AK5: variants seen among roughly 807,000 people sequenced by gnomAD.
AK5 encodes the protein adenylate kinase 5.
AK5 carries 27 observed loss-of-function variants against 69.5 expected under a neutral mutation model. The observed-to-expected ratio is 0.39, with a 90% CI of 0.29 to 0.54. AK5 has a LOEUF of 0.54. Among genes scored for constraint, AK5 ranks in the 20% least tolerant of loss-of-function variants. AK5 has a pLI of 0.71. For missense variants in AK5, 531 were observed against 700.4 expected, an observed-to-expected ratio of 0.76 and a Z score of 2.73; for synonymous variants, 260 against 244.4, an observed-to-expected ratio of 1.06 and a Z score of -0.60.
At chr1:77,356,229 A>G (rs867304614) in intron 6 of AK5, among the ~76,000 whole-genome samples, 31 of 152,226 alleles carry the variant, frequency 2.0e-4, no homozygotes, top group East Asian at 1.9e-4. Flanking sequence ...CAAAAGCTCT[A>G]TAAGAGAAAG....
intron 8 of AK5, among the ~76,000 whole-genome samples, chr1:77,455,535 A>G (rs1653425786): frequency 6.6e-6 from 1 of 152,204 alleles, no homozygotes; most frequent in South Asian, 2.1e-4. Context: ...GGCATCATCT[A>G]TGAACAAAAA....
intron 5 of AK5, among the ~76,000 whole-genome samples, chr1:77,330,552 A>G (rs1333574427): frequency 2.6e-5 from 4 of 152,160 alleles, no homozygotes; most frequent in Admixed American, 6.5e-5. Flanking sequence ...AGACTCCCAT[A>G]TATTTGGGCA....
At chr1:77,328,648 A>G (rs2100346599) in intron 5 of AK5, among the ~76,000 whole-genome samples, 1 of 152,372 alleles carries the variant, frequency 6.6e-6, no homozygotes, top group East Asian at 1.9e-4. Context: ...ACTAATTTTA[A>G]TGATATATTT....
chr1:77,332,599 A>G (rs1457610198), intron 5 of AK5, among the ~76,000 whole-genome samples: 2 of 115,116 alleles, frequency 1.7e-5, no homozygotes, highest in East Asian at 5.0e-4. Context: ...TTTATTATTT[A>G]TTTGATTATT....
intron 5 of AK5, among the ~76,000 whole-genome samples, chr1:77,320,749 T>TA (rs925858893): frequency 1.3e-5 from 2 of 151,538 alleles, no homozygotes; most frequent in African/African-American, 2.4e-5. Context: ...AGACTCTGTC[T>TA]AAAAAAAAGG....
intron 6 of AK5, among the ~76,000 whole-genome samples, chr1:77,401,444 C>A (rs17100521): frequency 0.13 from 20,502 of 152,040 alleles, 1,696 homozygotes; most frequent in East Asian, 0.4. Context: ...TCAAGAAGCT[C>A]ATTTGGTTCT....
intron 5 of AK5, among the ~76,000 whole-genome samples, chr1:77,320,484 C>T (rs1275126020): frequency 2.6e-5 from 4 of 152,158 alleles, no homozygotes; most frequent in African/African-American, 7.2e-5. Context: ...TGCGGTGGCT[C>T]ATGCCTGTAA....
intron 8 of AK5, among the ~76,000 whole-genome samples, chr1:77,461,761 C>T (rs1301094368): frequency 6.7e-6 from 1 of 149,088 alleles, no homozygotes; most frequent in African/African-American, 2.5e-5. Flanking sequence ...CAGGGCAAGA[C>T]TCTGTCTCAA....
intron 8 of AK5, among the ~76,000 whole-genome samples, chr1:77,476,641 C>T (rs1654951954): frequency 6.6e-6 from 1 of 152,138 alleles, no homozygotes; most frequent in Admixed American, 6.6e-5. Context: ...TCACGCCAGC[C>T]GGGTCAGCCG....
At chr1:77,305,002 G>A (rs1428375147) in intron 5 of AK5, among the ~76,000 whole-genome samples, 1 of 152,060 alleles carries the variant, frequency 6.6e-6, no homozygotes, top group African/African-American at 2.4e-5. Flanking sequence ...AGCATTTGTT[G>A]TTGCCTGTCT....
intron 5 of AK5, among the ~76,000 whole-genome samples, chr1:77,336,358 G>C (rs12731521): frequency 6.6e-6 from 1 of 152,068 alleles, no homozygotes; most frequent in Non-Finnish European, 1.5e-5. Flanking sequence ...AGGATTACAG[G>C]CATGAGCCAC....
chr1:77,473,200 GT>G (rs538996435), intron 8 of AK5, among the ~76,000 whole-genome samples: 262 of 142,616 alleles, frequency 1.8e-3, no homozygotes, highest in Middle Eastern at 3.6e-3. Context: ...GCTTCTTGGG[GT>G]TTTTTTTTTT....
chr1:77,479,416 G>C (rs1388358999), intron 8 of AK5, among the ~76,000 whole-genome samples: 1 of 152,162 alleles, frequency 6.6e-6, no homozygotes, highest in East Asian at 1.9e-4. Flanking sequence ...ATGTTGATCA[G>C]ACTGGTCTCA....
chr1:77,386,714 G>A (rs1391011438), intron 6 of AK5, among the ~76,000 whole-genome samples: 1 of 152,132 alleles, frequency 6.6e-6, no homozygotes, highest in Non-Finnish European at 1.5e-5. Flanking sequence ...CAAGTCAGAG[G>A]TATTCAGGGC....
chr1:77,380,052 G>A (rs1222907743), intron 6 of AK5, among the ~76,000 whole-genome samples: 1 of 152,182 alleles, frequency 6.6e-6, no homozygotes, highest in Admixed American at 6.5e-5. Flanking sequence ...AGTAAAGAAT[G>A]CTTGAGTAAA....
At chr1:77,368,241 A>ATATAT (rs1553140309) in intron 6 of AK5, among the ~76,000 whole-genome samples, 1 of 23,280 alleles carries the variant, frequency 4.3e-5, no homozygotes, top group Non-Finnish European at 1.1e-4. Context: ...ATATATATAT[A>ATATAT]TATATATATA....
intron 8 of AK5, among the ~76,000 whole-genome samples, chr1:77,433,415 C>T (rs1291308970): frequency 1.3e-5 from 2 of 150,586 alleles, no homozygotes; most frequent in African/African-American, 4.9e-5. Flanking sequence ...AACTTAAAAA[C>T]TTCTTGAGGG....
At chr1:77,333,553 C>G (rs1329728217) in intron 5 of AK5, among the ~76,000 whole-genome samples, 3 of 128,356 alleles carry the variant, frequency 2.3e-5, no homozygotes, top group African/African-American at 5.4e-5. Flanking sequence ...CTCCCCCCCA[C>G]CATGCTAGTT....
At chr1:77,511,769 G>A (rs1207438335) in intron 10 of AK5, among the ~76,000 whole-genome samples, 2 of 152,146 alleles carry the variant, frequency 1.3e-5, no homozygotes, top group Non-Finnish European at 2.9e-5. Context: ...ATGGTGACAC[G>A]GCAGGTTCCA....
Sources: gnomAD v4.1 joint callset for allele counts (sites outside exome capture counted in the v4.1 genomes callset) on GRCh38, gnomAD v4.1.1 for gene constraint, MANE v1.5 for transcripts, NCBI Gene and HGNC (gene_info 2026-07-23, HGNC 2026-07-21) for gene names.